Variants in NUP153 observed in about 807,000 individuals in gnomAD.
NUP153 encodes the protein nucleoporin 153, also known as nuclear pore complex protein Nup153.
In NUP153, 27 loss-of-function variants were observed where a neutral mutation model predicts 134.6. The observed-to-expected ratio is 0.20, with a 90% CI of 0.15 to 0.28. NUP153 has a LOEUF of 0.28. Among genes scored for constraint, NUP153 ranks in the 10% least tolerant of loss-of-function variants. The pLI is 1.00. For missense variants in NUP153, 1,821 were observed against 1,731.3 expected (o/e 1.05, Z -0.92); for synonymous variants, 640 against 623.5 (o/e 1.03, Z -0.40).
At position 17,632,846 on chromosome 6, in the gene NUP153, T is replaced by TAAAAAA. The variant is rs36027788; in HGVS notation, c.2465-8_2465-3dup. On this transcript the variant is annotated splice_polypyrimidine_tract_variant and splice_region_variant and intron_variant, in intron 16 of 21. Transcript: ENST00000262077. Reference sequence around the variant, plus strand: ...TACTTGAAGCAGGTACTGAACTTCCTAAAAAAAAAAAAAAAAACGGGGAGT... The same window carrying TAAAAAA: ...TACTTGAAGCAGGTACTGAACTTCCTAAAAAAAAAAAAAAAAAAAAAAACGGGGAGT... 1.6e-4 allele frequency: 135 copies of TAAAAAA among 865,052 alleles called. No individual in the cohort carries two copies. The highest frequency in any genetic ancestry group is 4.1e-4 in the Middle Eastern group (1 of 2,434). 53.6% of individuals were successfully genotyped at this position (865,052 alleles called of 1,614,324 possible). A position where few individuals can be genotyped will look rare whatever the true frequency, so the allele number is the denominator to read the frequency against.
Position 17,657,948 on chromosome 6 carries a change from A to G in NUP153, c.1395+3705T>C, listed in dbSNP as rs7755660. 2.8e-3 allele frequency among the ~76,000 whole-genome samples: 428 copies of G among 152,328 alleles called. 3 individuals are homozygous for G. The highest frequency in any genetic ancestry group is 5.0e-3 in the Non-Finnish European group (339 of 68,026). ...CTTGCTATTTATTTTATATTATTTTAGACTGTGGAAATGATGTTAGACAAA... is the reference window on the plus strand; with the variant it reads ...CTTGCTATTTATTTTATATTATTTTGGACTGTGGAAATGATGTTAGACAAA... On this transcript the variant is annotated intron_variant, in intron 11 of 21. Transcript: ENST00000262077.
At chr6:17,685,597 T>G (rs1477462358) in intron 2 of NUP153, among the ~76,000 whole-genome samples, 4 of 151,358 alleles carry the variant, frequency 2.6e-5, no homozygotes, top group Non-Finnish European at 5.9e-5. Context: ...CATAAGATTA[T>G]GAAGAAGCTG....
At chr6:17,686,747 A>G (rs1394154951) in intron 2 of NUP153, among the ~76,000 whole-genome samples, 1 of 152,010 alleles carries the variant, frequency 6.6e-6, no homozygotes, top group Non-Finnish European at 1.5e-5. Flanking sequence ...GTAGATATCA[A>G]AATGCTGCCC....
rs1768156694 is a variant in NUP153 at position 17,675,337 on chromosome 6, T to A, written c.615A>T (p.Pro205=). 1 of 1,613,946 alleles carries A rather than the reference T, an allele frequency of 6.2e-7. No individual in the cohort carries two copies. Among genetic ancestry groups the A allele is most frequent in the East Asian group, 2.2e-5 (1 of 44,880 alleles). The change falls in exon 4 of 22, where the codon CCA becomes CCT. Residue 205 remains proline, a synonymous_variant. Coordinates refer to ENST00000262077, the MANE Select transcript of NUP153 (RefSeq NM_005124.4). This position sits in a 1 kb window ranked among gnomAD's most constrained non-coding sequence, Gnocchi z 4.4. ...GTTCAGCTTCTGGGGACCACAGAGG[T>A]GGCAATGAAGTGTTCTTTGAAACAG... ...DITVSKNTSL[P]PLWSPEAERS... is the part of the protein sequence containing the mutation.
At chr6:17,648,391 C>T (rs868800580) in intron 12 of NUP153, among the ~76,000 whole-genome samples, 32 of 152,160 alleles carry the variant, frequency 2.1e-4, no homozygotes, top group Middle Eastern at 3.4e-3. Flanking sequence ...CCAAGGCAGG[C>T]GGATCACCTG....
intron 1 of NUP153, among the ~76,000 whole-genome samples, chr6:17,701,423 G>A (rs1209994099): frequency 1.3e-5 from 2 of 151,962 alleles, no homozygotes; most frequent in Non-Finnish European, 2.9e-5. Flanking sequence ...CAGCACTTTG[G>A]GAGGTCAAGG....
rs1352568585 is a variant in NUP153 at position 17,632,774 on chromosome 6, C to T, written c.2535G>A (p.Leu845=). Residue 845 remains leucine (L), a synonymous_variant, in exon 17 of 22, where the codon TTG becomes TTA. Coordinates refer to ENST00000262077, the MANE Select transcript of NUP153 (RefSeq NM_005124.4). ...VSLPSGGSLG[L]EKFKKPEGSW... ...TTCCCTCGGGTTTCTTGAACTTTTC[C>T]AATCCTAGAGAGCCTCCAGAAGGCA... 1 of 1,572,466 alleles carries T rather than the reference C, an allele frequency of 6.4e-7. No homozygotes were observed. The highest frequency in any genetic ancestry group is 2.4e-5 in the East Asian group (1 of 41,444).
At chr6:17,653,582 C>CA (rs1473923601) in intron 11 of NUP153, among the ~76,000 whole-genome samples, 1 of 152,080 alleles carries the variant, frequency 6.6e-6, no homozygotes. Context: ...AATTTATTTA[C>CA]GAAAAGACCT....
At chr6:17,703,734 A>T (rs772707964) in intron 1 of NUP153, among the ~76,000 whole-genome samples, 1 of 152,106 alleles carries the variant, frequency 6.6e-6, no homozygotes, top group Non-Finnish European at 1.5e-5. Context: ...TGCCAATATT[A>T]AATAGCACCT....
intron 11 of NUP153, chr6:17,651,925 C>T (rs1365649970): frequency 1.6e-6 from 1 of 630,042 alleles, no homozygotes; most frequent in South Asian, 1.7e-5. Flanking sequence ...GAGACCTTGT[C>T]TCTACAAATA....
intron 8 of NUP153, among the ~76,000 whole-genome samples, chr6:17,668,184 T>A (rs1188997041): frequency 6.7e-6 from 1 of 149,218 alleles, no homozygotes; most frequent in African/African-American, 2.5e-5. Context: ...CAAGTGATTC[T>A]CCTGCCTCAG....
At chr6:17,648,617 A>G (rs1226160225) in intron 12 of NUP153, among the ~76,000 whole-genome samples, 1 of 151,542 alleles carries the variant, frequency 6.6e-6, no homozygotes, top group Admixed American at 6.6e-5. Flanking sequence ...ACTCAAGCTG[A>G]AAAAATAAAT....
At chr6:17,632,592 A>T in intron 17 of NUP153, 58 bp downstream of exon 17, 1 of 1,314,362 alleles carries the variant, frequency 7.6e-7, no homozygotes, top group South Asian at 1.4e-5. Flanking sequence ...TTCATTTTTA[A>T]ATGGCCTTAC....
At chr6:17,655,397 C>T (rs1162845958) in intron 11 of NUP153, among the ~76,000 whole-genome samples, 3 of 151,982 alleles carry the variant, frequency 2.0e-5, no homozygotes, top group Non-Finnish European at 4.4e-5. Context: ...TCTTCCATGT[C>T]ACTCTTCCAA....
In NUP153 at chr6:17,669,030, T is replaced by TTAA; in HGVS notation, c.1015-3_1015-2insTTA. 1 of 1,326,460 alleles carries TTAA rather than the reference T, an allele frequency of 7.5e-7. No homozygotes were observed. The highest frequency in any genetic ancestry group is 1.0e-6 in the Non-Finnish European group (1 of 995,376). 82.2% of individuals were successfully genotyped at this position (1,326,460 alleles called of 1,614,324 possible). ...ATCTATCCCACTCCTATCAAGAGGC[T>TTAA]GAAAAAAAAAAAAAACACTATTAGA... On this transcript the variant is annotated splice_polypyrimidine_tract_variant and splice_region_variant and intron_variant, in intron 7 of 21. Transcript: ENST00000262077.
At chr6:17,655,556 C>T (rs949035536) in intron 11 of NUP153, among the ~76,000 whole-genome samples, 13 of 151,600 alleles carry the variant, frequency 8.6e-5, no homozygotes, top group South Asian at 2.1e-4. Flanking sequence ...CAGGTTCAAG[C>T]GATTCTTCTG....
chr6:17,704,393 T>C (rs537999495), intron 1 of NUP153, among the ~76,000 whole-genome samples: 1 of 151,974 alleles, frequency 6.6e-6, no homozygotes, highest in South Asian at 2.1e-4. Context: ...TTAAAACAAG[T>C]CATTTTTCTA....
Position 17,632,861 on chromosome 6 carries a change from A to AAAAAAAAAAAAAC in NUP153, c.2465-18_2465-17insGTTTTTTTTTTTT. On this transcript the variant is annotated splice_polypyrimidine_tract_variant and intron_variant, in intron 16 of 21. Coordinates refer to ENST00000262077, the MANE Select transcript of NUP153 (RefSeq NM_005124.4). ...CTGAACTTCCTAAAAAAAAAAAAAAAAACGGGGAGTGGGGGGAGATTTCAT... is the reference window on the plus strand; with the variant it reads ...CTGAACTTCCTAAAAAAAAAAAAAAAAAAAAAAAAAAACAACGGGGAGTGGGGGGAGATTTCAT... The AAAAAAAAAAAAAC allele has an allele frequency of 6.5e-7, 1 of 1,536,168 alleles. No individual in the cohort carries two copies. Among genetic ancestry groups the AAAAAAAAAAAAAC allele is most frequent in the Non-Finnish European group, 8.7e-7 (1 of 1,149,454 alleles).
chr6:17,685,761 A>C (rs1465613331), intron 2 of NUP153, among the ~76,000 whole-genome samples: 1 of 152,118 alleles, frequency 6.6e-6, no homozygotes, highest in Admixed American at 6.6e-5. Flanking sequence ...ATAGAATACT[A>C]TACTTGGTAA....
Sources: allele counts gnomAD v4.1 joint callset (sites outside exome capture counted in the v4.1 genomes callset), GRCh38; gene constraint gnomAD v4.1.1; non-coding constraint Gnocchi (gnomAD v3.1); transcripts MANE v1.5; gene names NCBI Gene and HGNC (gene_info 2026-07-23, HGNC 2026-07-21).